Variants in A1CF observed in about 807,000 individuals in gnomAD.
A1CF encodes the protein APOBEC-1 stimulating protein.
A1CF carries 48 observed loss-of-function variants against 68.9 expected under a neutral mutation model. The ratio of observed to expected loss-of-function variants is 0.70; its 90% CI spans 0.55 to 0.89. The LOEUF is 0.89. Ranked by LOEUF, A1CF falls within the 40% of genes least tolerant of loss-of-function variation. A1CF has a pLI of 0.00. For synonymous variants in A1CF, 272 were observed against 260.4 expected (o/e 1.04, Z -0.43); for missense variants, 653 against 718.9 (o/e 0.91, Z 1.05).
chr10:50,830,948 TA>T (rs148747657), intron 6 of A1CF, among the ~76,000 whole-genome samples: 2,676 of 152,214 alleles, frequency 0.018, 37 homozygotes, highest in Non-Finnish European at 0.027. Flanking sequence ...AGTCCAGAAG[TA>T]AATCCACACA....
intron 3 of A1CF, chr10:50,850,605 TG>T: frequency 6.3e-7 from 1 of 1,590,444 alleles, no homozygotes. Flanking sequence ...TGTGTGTGTG[TG>T]TGTTTCTGTA....
At chr10:50,861,475 A>G (rs527455607) in intron 2 of A1CF, among the ~76,000 whole-genome samples, 9 of 149,092 alleles carry the variant, frequency 6.0e-5, no homozygotes, top group African/African-American at 2.2e-4. Context: ...CTATTACTAA[A>G]ATTACTATTA....
intron 12 of A1CF, among the ~76,000 whole-genome samples, chr10:50,807,151 GA>G (rs992681083): frequency 5.9e-5 from 9 of 152,118 alleles, no homozygotes; most frequent in Non-Finnish European, 1.5e-5. Context: ...AGATGCTTGG[GA>G]TAGGGTCCAA....
intron 1 of A1CF, among the ~76,000 whole-genome samples, chr10:50,877,254 T>A (rs889543722): frequency 1.3e-5 from 2 of 152,230 alleles, no homozygotes; most frequent in Non-Finnish European, 2.9e-5. Flanking sequence ...ATAGTCCTGG[T>A]ACCAATTATT....
chr10:50,811,706 C>T (rs1448968559), intron 10 of A1CF, among the ~76,000 whole-genome samples: 1 of 152,120 alleles, frequency 6.6e-6, no homozygotes, highest in Non-Finnish European at 1.5e-5. Flanking sequence ...TTGACAGTTG[C>T]AATGTTTTTA....
chr10:50,850,790 A>C (rs1840206423), intron 3 of A1CF: 1 of 1,612,892 alleles, frequency 6.2e-7, no homozygotes, highest in Admixed American at 1.7e-5. Context: ...GCTTCCATCT[A>C]TAGGAACCTC....
At chr10:50,878,870 A>G (rs1015860095) in intron 1 of A1CF, among the ~76,000 whole-genome samples, 10 of 152,204 alleles carry the variant, frequency 6.6e-5, no homozygotes, top group African/African-American at 9.7e-5. Context: ...AAATGACTTT[A>G]CTAACAAAAT....
chr10:50,833,856 AT>A (rs904780235), intron 6 of A1CF, among the ~76,000 whole-genome samples: 39 of 152,190 alleles, frequency 2.6e-4, no homozygotes, highest in Admixed American at 1.2e-3. Flanking sequence ...GCTGACTAAA[AT>A]CCAGCTGAGT....
At chr10:50,879,314 C>G (rs1258096294) in intron 1 of A1CF, among the ~76,000 whole-genome samples, 1 of 152,156 alleles carries the variant, frequency 6.6e-6, no homozygotes, top group Non-Finnish European at 1.5e-5. Flanking sequence ...GGTGCTATGT[C>G]CTCTTCAGAC....
intron 3 of A1CF, among the ~76,000 whole-genome samples, chr10:50,846,808 A>G (rs1387981625): frequency 1.3e-5 from 2 of 152,320 alleles, no homozygotes; most frequent in South Asian, 2.1e-4. Flanking sequence ...TTTTATAAAC[A>G]CTTGAAAAAA....
intron 1 of A1CF, among the ~76,000 whole-genome samples, 195 bp downstream of exon 1, chr10:50,885,386 G>C (rs1467084413): frequency 6.6e-6 from 1 of 152,092 alleles, no homozygotes; most frequent in Non-Finnish European, 1.5e-5. Context: ...ATCTCATTTA[G>C]AGATTATATA....
At chr10:50,853,047 C>A (rs1000719846) in intron 3 of A1CF, among the ~76,000 whole-genome samples, 2 of 151,928 alleles carry the variant, frequency 1.3e-5, no homozygotes, top group African/African-American at 4.8e-5. Flanking sequence ...CATGTGATTT[C>A]ATTGAAATTC....
intron 1 of A1CF, among the ~76,000 whole-genome samples, chr10:50,879,005 A>G (rs1043096832): frequency 1.3e-5 from 2 of 152,126 alleles, no homozygotes; most frequent in Admixed American, 6.5e-5. Context: ...TCTCTTCCCT[A>G]TCATCAAAAC....
intron 1 of A1CF, among the ~76,000 whole-genome samples, chr10:50,874,244 T>C (rs2094998008): frequency 6.6e-6 from 1 of 152,174 alleles, no homozygotes; most frequent in Non-Finnish European, 1.5e-5. Flanking sequence ...TTTGTTTTGT[T>C]TGAGGAAAAA....
chr10:50,830,763 C>A (rs1839199817), intron 6 of A1CF, among the ~76,000 whole-genome samples: 1 of 152,074 alleles, frequency 6.6e-6, no homozygotes, highest in Admixed American at 6.6e-5. Flanking sequence ...ATAGAAAATA[C>A]AATTCTAAAA....
intron 5 of A1CF, among the ~76,000 whole-genome samples, chr10:50,838,290 AG>A (rs1839615335): frequency 1.3e-5 from 2 of 152,316 alleles, no homozygotes; most frequent in South Asian, 4.1e-4. Flanking sequence ...GATCTGTGAC[AG>A]GTCCATCTCA....
At chr10:50,847,540 A>T (rs994317269) in intron 3 of A1CF, among the ~76,000 whole-genome samples, 1 of 152,200 alleles carries the variant, frequency 6.6e-6, no homozygotes, top group African/African-American at 2.4e-5. Flanking sequence ...TCAATAAATC[A>T]TTCTAAGCAG....
Position 50,866,167 on chromosome 10 carries a change from G to A in A1CF, c.-93-2087C>T, listed in dbSNP as rs901792498. ...ATGAATTTGTTTTATATAAGAAATT[G>A]ATTTTTGTTGTTTCTCTGCATTTAT... On this transcript the variant is annotated intron_variant, in intron 1 of 12. Coordinates refer to ENST00000373997, the MANE Select transcript of A1CF (RefSeq NM_014576.4). 2.0e-5 allele frequency among the ~76,000 whole-genome samples: 3 copies of A among 152,284 alleles called. No homozygotes were observed. The South Asian group carries it at 6.2e-4, about 32-fold the overall frequency.
At chr10:50,849,119 A>T (rs1292980916) in intron 3 of A1CF, among the ~76,000 whole-genome samples, 1 of 152,172 alleles carries the variant, frequency 6.6e-6, no homozygotes, top group East Asian at 1.9e-4. Flanking sequence ...GGGCCATAAA[A>T]GGTACCAACA....
Sources: gnomAD v4.1 joint callset for allele counts (sites outside exome capture counted in the v4.1 genomes callset) on GRCh38, gnomAD v4.1.1 for gene constraint, MANE v1.5 for transcripts, NCBI Gene and HGNC (gene_info 2026-07-23, HGNC 2026-07-21) for gene names.